The following ERC2 variants were observed in gnomAD, a reference collection of about 807,000 sequenced individuals.
ERC2 encodes the protein ELKS/RAB6-interacting/CAST family member 2.
A neutral mutation model predicts 114.8 loss-of-function variants in ERC2; 42 were observed. The ratio of observed to expected loss-of-function variants is 0.37; its 90% confidence interval spans 0.29 to 0.47. The LOEUF (loss-of-function observed/expected upper bound fraction) is 0.47, where lower values mean the gene tolerates loss of function less well. Among genes scored for constraint, ERC2 ranks in the 20% least tolerant of loss-of-function variants. ERC2 has a pLI of 0.99. For missense variants in ERC2, 939 were observed against 1,150.7 expected (o/e 0.82, Z 2.66); for synonymous variants, 454 against 425.5 (o/e 1.07, Z -0.82).
intron 17 of ERC2, among the ~76,000 whole-genome samples, chr3:55,677,693 C>T (rs189890683): frequency 6.6e-6 from 1 of 152,300 alleles, no homozygotes; most frequent in Admixed American, 6.5e-5. Context: ...CTGTTAGCCA[C>T]CCCACCATAG....
chr3:56,435,498 T>A (rs1205439907), intron 1 of ERC2, among the ~76,000 whole-genome samples: 3 of 152,216 alleles, frequency 2.0e-5, no homozygotes, highest in Non-Finnish European at 1.5e-5. Flanking sequence ...GAATTGCCCA[T>A]CATGGAGACC....
At chr3:56,003,242 G>C in intron 10 of ERC2, 2 of 730,838 alleles carry the variant, frequency 2.7e-6, no homozygotes. Flanking sequence ...CAGACGAGTT[G>C]GTTGTTAAAA....
At chr3:55,622,060 C>T (rs1575805488) in intron 17 of ERC2, among the ~76,000 whole-genome samples, 1 of 152,244 alleles carries the variant, frequency 6.6e-6, no homozygotes, top group East Asian at 1.9e-4. Context: ...TTTTTCCATC[C>T]GAATCTGTTT....
At chr3:56,264,280 G>A (rs1297185628) in intron 3 of ERC2, among the ~76,000 whole-genome samples, 7 of 152,094 alleles carry the variant, frequency 4.6e-5, no homozygotes, top group East Asian at 1.9e-4. Context: ...ATCTATCAAC[G>A]TAATATTGGA....
At chr3:56,397,271 C>A (rs1050195115) in intron 2 of ERC2, among the ~76,000 whole-genome samples, 1 of 151,792 alleles carries the variant, frequency 6.6e-6, no homozygotes, top group Non-Finnish European at 1.5e-5. Flanking sequence ...ATCAGTTGAG[C>A]CCAGTAGGCT....
chr3:56,241,177 A>G (rs2051296298), intron 3 of ERC2, among the ~76,000 whole-genome samples: 1 of 152,178 alleles, frequency 6.6e-6, no homozygotes, highest in Non-Finnish European at 1.5e-5. Flanking sequence ...TCCAGAATCT[A>G]CAAAGAACTC....
intron 3 of ERC2, among the ~76,000 whole-genome samples, chr3:56,212,363 T>C (rs887315927): frequency 6.6e-6 from 1 of 152,090 alleles, no homozygotes; most frequent in South Asian, 2.1e-4. Context: ...ATTCTCAATA[T>C]CACTAATAAT....
intron 14 of ERC2, among the ~76,000 whole-genome samples, chr3:55,842,186 G>A (rs771872777): frequency 1.3e-5 from 2 of 152,152 alleles, no homozygotes; most frequent in Non-Finnish European, 2.9e-5. Flanking sequence ...AGTTAGTAGT[G>A]GTGAAAGTGG....
At chr3:56,032,451 G>A (rs540667999) in intron 7 of ERC2, among the ~76,000 whole-genome samples, 2 of 152,238 alleles carry the variant, frequency 1.3e-5, no homozygotes, top group South Asian at 4.1e-4. Flanking sequence ...AGAAGAAGTA[G>A]AGAAAGAGAA....
intron 11 of ERC2, among the ~76,000 whole-genome samples, chr3:55,991,807 G>A (rs1221060991): frequency 6.6e-6 from 1 of 152,160 alleles, no homozygotes; most frequent in East Asian, 1.9e-4. Flanking sequence ...CTAGATCATG[G>A]ACATCACTCA....
chr3:56,277,101 G>C (rs1041070023), intron 3 of ERC2, among the ~76,000 whole-genome samples: 17 of 152,296 alleles, frequency 1.1e-4, no homozygotes, highest in African/African-American at 4.1e-4. Context: ...ACATAGTTTA[G>C]AGTTAAAGGT....
At chr3:55,910,895 T>C in intron 13 of ERC2, among the ~76,000 whole-genome samples, 1 of 152,206 alleles carries the variant, frequency 6.6e-6, no homozygotes, top group East Asian at 1.9e-4. Context: ...TAAAAATGTA[T>C]CACTTTTCAA....
chr3:56,191,133 G>T (rs1452289322), intron 3 of ERC2, among the ~76,000 whole-genome samples: 1 of 152,196 alleles, frequency 6.6e-6, no homozygotes, highest in Non-Finnish European at 1.5e-5. Context: ...ACAGGCACAG[G>T]CAGAGCTGGC....
At chr3:55,693,669 G>A (rs2062780023) in intron 16 of ERC2, among the ~76,000 whole-genome samples, 1 of 151,992 alleles carries the variant, frequency 6.6e-6, no homozygotes, top group Non-Finnish European at 1.5e-5. Context: ...AATGAAAGCT[G>A]GGGCAAATGG....
chr3:55,674,710 G>A (rs889111809), intron 17 of ERC2, among the ~76,000 whole-genome samples: 3 of 152,102 alleles, frequency 2.0e-5, no homozygotes, highest in East Asian at 3.9e-4. Context: ...ATCTTCTCTC[G>A]AAGAGATTAT....
intron 2 of ERC2, among the ~76,000 whole-genome samples, chr3:56,401,369 T>A (rs1055492535): frequency 1.3e-5 from 2 of 152,196 alleles, no homozygotes; most frequent in Non-Finnish European, 2.9e-5. Context: ...CCAATATTAA[T>A]CCATCTCCCC....
chr3:55,616,469 C>G (rs1168633757), intron 17 of ERC2, among the ~76,000 whole-genome samples: 1 of 151,854 alleles, frequency 6.6e-6, no homozygotes, highest in Non-Finnish European at 1.5e-5. Context: ...TACATCTTGT[C>G]AAAAAATATA....
At chr3:56,213,697 G>C (rs1391403086) in intron 3 of ERC2, among the ~76,000 whole-genome samples, 5 of 152,174 alleles carry the variant, frequency 3.3e-5, no homozygotes, top group Non-Finnish European at 7.3e-5. Context: ...CTTGACATCT[G>C]AGAACAGACA....
At position 56,387,876 on chromosome 3, in the gene ERC2, C is replaced by T. The variant is rs142552235; in HGVS notation, c.657+46475G>A. Among the ~76,000 whole-genome samples the T allele has an allele frequency of 4.6e-5, 7 of 152,254 alleles. No individual in the cohort carries two copies. In the East Asian group the frequency reaches 1.4e-3, roughly 29 times the overall value. On this transcript the variant is annotated intron_variant, in intron 2 of 17. Transcript: ENST00000288221. ...AACTCTCATTTTCAACAATGACTCC[C>T]TGCCTGTGACTAGAATAATGTGGTG...
Sources: gnomAD v4.1 joint callset for allele counts (sites outside exome capture counted in the v4.1 genomes callset) on GRCh38, gnomAD v4.1.1 for gene constraint, MANE v1.5 for transcripts, NCBI Gene and HGNC (gene_info 2026-07-23, HGNC 2026-07-21) for gene names.